Variants in DNAH5 observed in about 807,000 individuals in gnomAD.
The protein encoded by DNAH5 is axonemal beta dynein heavy chain 5.
Under a neutral mutation model 518.2 loss-of-function variants are expected in DNAH5, and 372 were observed. That is an observed-to-expected ratio of 0.72 (90% CI 0.66 to 0.78). The LOEUF is 0.78. Ranked by LOEUF, DNAH5 falls within the 30% of genes least tolerant of loss-of-function variation. DNAH5 has a pLI of 0.00. For missense variants in DNAH5, 5,523 were observed against 5,687.0 expected (o/e 0.97, Z 0.93); for synonymous variants, 2,039 against 2,025.9 (o/e 1.01, Z -0.17).
intron 73 of DNAH5, 87 bp from the exon 74 acceptor site, chr5:13,716,777 C>T: frequency 2.3e-6 from 2 of 871,662 alleles, no homozygotes; most frequent in Non-Finnish European, 3.7e-6. Context: ...TATTCACTTT[C>T]AACATCATTC....
At chr5:13,840,020 T>G (rs1580515413) in intron 34 of DNAH5, among the ~76,000 whole-genome samples, 1 of 152,252 alleles carries the variant, frequency 6.6e-6, no homozygotes, top group Non-Finnish European at 1.5e-5. Flanking sequence ...AACATCTAAA[T>G]GACAGGCCAT....
At chr5:13,838,983 TA>T (rs35593776) in intron 35 of DNAH5, among the ~76,000 whole-genome samples, 255 of 142,266 alleles carry the variant, frequency 1.8e-3, no homozygotes, top group Admixed American at 5.3e-3. Flanking sequence ...CTTTCCTGCT[TA>T]AAAAAAAAAA....
At chr5:13,804,993 A>G (rs571300694) in intron 47 of DNAH5, among the ~76,000 whole-genome samples, 1 of 152,298 alleles carries the variant, frequency 6.6e-6, no homozygotes, top group African/African-American at 2.4e-5. Flanking sequence ...GCCTCATTGC[A>G]TAATAAAAGA....
intron 55 of DNAH5, 46 bp from the exon 56 acceptor site, chr5:13,771,026 AC>A: frequency 6.8e-7 from 1 of 1,469,704 alleles, no homozygotes; most frequent in Non-Finnish European, 9.5e-7. Flanking sequence ...TATGTAAGTT[AC>A]CCTTTTAAAA....
At chr5:13,816,355 T>C (rs929235866) in intron 42 of DNAH5, among the ~76,000 whole-genome samples, 1 of 152,194 alleles carries the variant, frequency 6.6e-6, no homozygotes, top group Non-Finnish European at 1.5e-5. Flanking sequence ...CTTCTCTTAC[T>C]CACCAACACC....
At chr5:13,919,906 C>T (rs1282527598) in intron 6 of DNAH5, among the ~76,000 whole-genome samples, 3 of 152,198 alleles carry the variant, frequency 2.0e-5, no homozygotes, top group East Asian at 3.8e-4. Flanking sequence ...TTGCTAACTA[C>T]GGTCACCCAA....
At chr5:13,923,202 T>A in intron 4 of DNAH5, 78 bp downstream of exon 4, 2 of 1,568,568 alleles carry the variant, frequency 1.3e-6, no homozygotes, top group Non-Finnish European at 1.8e-6. Flanking sequence ...ACAATGATTG[T>A]CTCCACCAGA....
At chr5:13,695,722 G>T (rs7724291) in intron 78 of DNAH5, among the ~76,000 whole-genome samples, 73,786 of 151,970 alleles carry the variant, frequency 0.49, 18,470 homozygotes, top group Non-Finnish European at 0.54. Flanking sequence ...GTTAACACAT[G>T]TATGTGCCTG....
In DNAH5 at chr5:13,914,530, T is replaced by C. The variant is rs1384449307; in HGVS notation, c.1310A>G (p.Lys437Arg). 6.2e-7 allele frequency: 1 copy of C among 1,613,148 alleles called. No individual in the cohort carries two copies. Among genetic ancestry groups the C allele is most frequent in the Non-Finnish European group, 8.5e-7 (1 of 1,179,402 alleles). The stretch of plus-strand genomic sequence containing the variant: ...TAAACTGACCATTACCTGTTTCAGT[T>C]TAATCGCAGATAGTATTTTTTCTTC... ...VVEEKILSAIKLKQEYQLCFH... is the reference protein window; with the variant it reads ...VVEEKILSAIRLKQEYQLCFH... The change falls in exon 10 of 79, where the codon AAA becomes AGA. Residue 437 changes from lysine (K) to arginine (R), a missense_variant. Physicochemically the swap from Lys to Arg is conservative, Grantham distance 26. This residue lies in a region of DNAH5 where 5,121 missense variants were observed against 5,223.3 expected (regional missense o/e 0.98). Coordinates refer to ENST00000265104, the MANE Select transcript of DNAH5 (RefSeq NM_001369.3).
intron 51 of DNAH5, 57 bp from the exon 52 acceptor site, chr5:13,786,408 A>G (rs968354364): frequency 6.7e-7 from 1 of 1,482,280 alleles, no homozygotes; most frequent in Non-Finnish European, 9.4e-7. Context: ...TTTTACTTCA[A>G]TCTAAATTAA....
chr5:13,903,954 T>G (rs1774982092), intron 12 of DNAH5, among the ~76,000 whole-genome samples: 1 of 152,126 alleles, frequency 6.6e-6, no homozygotes, highest in South Asian at 2.1e-4. Flanking sequence ...GTAAACATGT[T>G]GCTAAATTTA....
chr5:13,822,162 A>G (rs1230588766), intron 40 of DNAH5, among the ~76,000 whole-genome samples: 2 of 152,162 alleles, frequency 1.3e-5, no homozygotes, highest in East Asian at 1.9e-4. Flanking sequence ...CTCTTACCTC[A>G]TCAGAAAATT....
At chr5:13,902,433 G>C (rs901936706) in intron 12 of DNAH5, among the ~76,000 whole-genome samples, 1 of 152,172 alleles carries the variant, frequency 6.6e-6, no homozygotes, top group Non-Finnish European at 1.5e-5. Flanking sequence ...GATGGGCTAT[G>C]GGGTCCTAAC....
chr5:13,764,305 TA>T (rs1247227230), intron 59 of DNAH5, among the ~76,000 whole-genome samples: 7 of 152,112 alleles, frequency 4.6e-5, no homozygotes, highest in Non-Finnish European at 1.0e-4. Flanking sequence ...AAGACACCAT[TA>T]ATCGAGGGAA....
intron 52 of DNAH5, among the ~76,000 whole-genome samples, chr5:13,782,430 G>T (rs1030584040): frequency 6.6e-6 from 1 of 152,178 alleles, no homozygotes; most frequent in Non-Finnish European, 1.5e-5. Context: ...ACTGGTAGGT[G>T]CATATGCCCT....
chr5:13,865,851 A>G lies in DNAH5; in HGVS notation c.4172T>C (p.Leu1391Pro). The change falls in exon 27 of 79, where the codon CTT becomes CCT. Residue 1391 changes from leucine to proline, a missense_variant. This residue lies in a region of DNAH5 where 5,121 missense variants were observed against 5,223.3 expected (regional missense o/e 0.98). Transcript: ENST00000265104. ...ATACTGTGTAGCTGGCAGGCCAAAAAGCTCCTCTCCTCCAGTATATGTGAT... is the reference window on the plus strand; with the variant it reads ...ATACTGTGTAGCTGGCAGGCCAAAAGGCTCCTCTCCTCCAGTATATGTGAT... Reference protein sequence around the residue: ...KYITYTGGEELFGLPATQYPQ... With the variant: ...KYITYTGGEEPFGLPATQYPQ... The G allele has an allele frequency of 1.9e-6, 3 of 1,613,696 alleles. No homozygotes were observed. The highest frequency in any genetic ancestry group is 2.5e-6 in the Non-Finnish European group (3 of 1,179,694).
intron 1 of DNAH5, among the ~76,000 whole-genome samples, chr5:14,002,078 T>C (rs1479633704): frequency 2.1e-4 from 32 of 151,730 alleles, no homozygotes; most frequent in Non-Finnish European, 8.8e-5. Flanking sequence ...TTTGTATTTT[T>C]AGTAGAGGTG....
chr5:13,735,901 G>A lies in DNAH5; in HGVS notation c.11487C>T (p.Leu3829=). 1 of 1,614,098 alleles carries A rather than the reference G, an allele frequency of 6.2e-7. No individual in the cohort carries two copies. The highest frequency in any genetic ancestry group is 8.5e-7 in the Non-Finnish European group (1 of 1,179,970). ...CATTAACCAAGCGCATCTCAGTAAT[G>A]AGGAAGTAGAGGATGCTGCCCCGCG... ...VATRGSILYF[L]ITEMRLVNEM... is the part of the protein sequence containing the mutation. The change falls in exon 67 of 79, where the codon CTC becomes CTT. Residue 3829 remains leucine, a synonymous_variant. Coordinates refer to ENST00000265104, the MANE Select transcript of DNAH5 (RefSeq NM_001369.3).
intron 1 of DNAH5, among the ~76,000 whole-genome samples, chr5:13,961,380 A>T (rs1781164943): frequency 6.6e-6 from 1 of 152,190 alleles, no homozygotes; most frequent in African/African-American, 2.4e-5. Context: ...ATGGTGGCTC[A>T]CGCCTGTAAT....
Sources: allele counts gnomAD v4.1 joint callset (sites outside exome capture counted in the v4.1 genomes callset), GRCh38; gene constraint gnomAD v4.1.1; regional missense constraint gnomAD v4.1.1; transcripts MANE v1.5; gene names NCBI Gene and HGNC (gene_info 2026-07-23, HGNC 2026-07-21).